MACROD2: variants seen among roughly 807,000 people sequenced by gnomAD.
MACROD2 encodes ADP-ribose glycohydrolase MACROD2.
Under a neutral mutation model 70.4 loss-of-function variants are expected in MACROD2, and 36 were observed. The observed-to-expected ratio is 0.51, with a 90% CI of 0.39 to 0.68. The LOEUF is 0.68. Among genes scored for constraint, MACROD2 ranks in the 30% least tolerant of loss-of-function variants. MACROD2 has a pLI of 0.00. For missense variants in MACROD2, 496 were observed against 538.4 expected (o/e 0.92, Z 0.78); for synonymous variants, 172 against 178.8 (o/e 0.96, Z 0.30).
chr20:14,677,949 C>T (rs2070882352), intron 4 of MACROD2, among the ~76,000 whole-genome samples: 5 of 152,092 alleles, frequency 3.3e-5, no homozygotes, highest in Admixed American at 3.3e-4. Flanking sequence ...CAAAAATTGC[C>T]ATCATGATAT....
At chr20:14,767,329 G>GT (rs1341060112) in intron 5 of MACROD2, among the ~76,000 whole-genome samples, 1 of 151,098 alleles carries the variant, frequency 6.6e-6, no homozygotes, top group Non-Finnish European at 1.5e-5. Flanking sequence ...ATTTTTTTTT[G>GT]TTTTTTGTTT....
chr20:14,363,853 G>C lies in MACROD2; in HGVS notation c.272-129626G>C, dbSNP rs1207129322. Among the ~76,000 whole-genome samples the C allele has an allele frequency of 2.3e-5, 3 of 130,468 alleles. No homozygotes were observed. The Admixed American group carries it at 2.4e-4, about 11-fold the overall frequency. The allele number at this position is 130,468 out of a possible 152,430, so 85.6% of individuals were successfully genotyped here. On this transcript the variant is annotated intron_variant, in intron 3 of 17. Transcript: ENST00000684519. ...AAAAAAAAAAAAAAAAAAAAAATAA[G>C]ATTATAAGATTAGGACCACAAGGTG... is the stretch of plus-strand genomic sequence containing the variant.
At chr20:15,900,211 A>G (rs2065044173) in intron 10 of MACROD2, among the ~76,000 whole-genome samples, 2 of 152,262 alleles carry the variant, frequency 1.3e-5, no homozygotes, top group African/African-American at 4.8e-5. Flanking sequence ...CCATCACTCA[A>G]ATGAGCTTAG....
intron 3 of MACROD2, among the ~76,000 whole-genome samples, chr20:14,417,739 G>C (rs1054719826): frequency 6.6e-6 from 1 of 152,182 alleles, no homozygotes; most frequent in African/African-American, 2.4e-5. Context: ...AAGCTGACCT[G>C]CATTTAAGTT....
At chr20:14,928,314 C>T (rs2074257896) in intron 5 of MACROD2, among the ~76,000 whole-genome samples, 1 of 152,128 alleles carries the variant, frequency 6.6e-6, no homozygotes, top group Non-Finnish European at 1.5e-5. Flanking sequence ...GAGTCATCTA[C>T]CTAGATGTTT....
intron 8 of MACROD2, among the ~76,000 whole-genome samples, chr20:15,856,929 G>C (rs1320726561): frequency 6.6e-6 from 1 of 152,192 alleles, no homozygotes; most frequent in East Asian, 1.9e-4. Flanking sequence ...CGAAAAAGAA[G>C]TAATTGGAAT....
chr20:14,128,419 A>G (rs2054678683), intron 3 of MACROD2: 1 of 153,188 alleles, frequency 6.5e-6, no homozygotes, highest in South Asian at 2.0e-4. Context: ...TAAAAAAATA[A>G]TAACAACAGC....
intron 6 of MACROD2, among the ~76,000 whole-genome samples, chr20:15,234,259 C>T (rs1260364159): frequency 6.7e-6 from 1 of 149,450 alleles, no homozygotes; most frequent in African/African-American, 2.5e-5. Context: ...GTCTCGATCT[C>T]CTGACCTCGT....
chr20:14,374,775 G>C, intron 3 of MACROD2, among the ~76,000 whole-genome samples: 1 of 152,000 alleles, frequency 6.6e-6, no homozygotes, highest in Non-Finnish European at 1.5e-5. Context: ...TTATAAATAG[G>C]TATCCTCACT....
Position 15,407,564 on chromosome 20 carries a change from A to T in MACROD2, c.541-23841A>T, listed in dbSNP as rs144847608. 4.2e-3 allele frequency among the ~76,000 whole-genome samples: 643 copies of T among 152,280 alleles called. 6 individuals are homozygous for T. Among genetic ancestry groups the T allele is most frequent in the African/African-American group, 0.015 (614 of 41,550 alleles). Reference sequence around the variant, plus strand: ...AGTGTTAAGGAGGCTAGAGGTGGGTAGAGAGGCAGCCTAGCACGGTGCTTA... The same window carrying T: ...AGTGTTAAGGAGGCTAGAGGTGGGTTGAGAGGCAGCCTAGCACGGTGCTTA... On this transcript the variant is annotated intron_variant, in intron 6 of 17. Coordinates refer to ENST00000684519, the MANE Select transcript of MACROD2 (RefSeq NM_001351661.2).
chr20:14,625,426 G>A (rs1344320794), intron 4 of MACROD2, among the ~76,000 whole-genome samples: 1 of 152,092 alleles, frequency 6.6e-6, no homozygotes, highest in Non-Finnish European at 1.5e-5. Context: ...GAAGATCTTT[G>A]TAGTATGTAT....
At chr20:14,431,691 A>C (rs766368786) in intron 3 of MACROD2, among the ~76,000 whole-genome samples, 10 of 152,182 alleles carry the variant, frequency 6.6e-5, no homozygotes, top group Non-Finnish European at 1.2e-4. Flanking sequence ...AATAACTATA[A>C]AGTTAGAAAA....
chr20:15,229,168 C>CGT (rs892819602), intron 5 of MACROD2, among the ~76,000 whole-genome samples: 4 of 152,024 alleles, frequency 2.6e-5, no homozygotes, highest in Non-Finnish European at 5.9e-5. Flanking sequence ...TAAAAGTTTA[C>CGT]GTGTGTGTAG....
intron 10 of MACROD2, among the ~76,000 whole-genome samples, chr20:15,930,716 G>A (rs1197134134): frequency 6.6e-6 from 1 of 152,186 alleles, no homozygotes; most frequent in African/African-American, 2.4e-5. Flanking sequence ...ATGCCACTCA[G>A]ATGTCTGTTC....
intron 3 of MACROD2, chr20:14,325,986 G>T (rs1234702769): frequency 1.2e-6 from 2 of 1,613,928 alleles, no homozygotes; most frequent in Non-Finnish European, 1.7e-6. Context: ...TTGTAGGGTT[G>T]TACATTCGAA....
At chr20:15,529,730 G>A (rs1294232996) in intron 8 of MACROD2, among the ~76,000 whole-genome samples, 1 of 152,078 alleles carries the variant, frequency 6.6e-6, no homozygotes, top group Non-Finnish European at 1.5e-5. Flanking sequence ...TGACACAGTA[G>A]AATTAAAACT....
intron 6 of MACROD2, among the ~76,000 whole-genome samples, chr20:15,276,707 C>T (rs1048273326): frequency 6.6e-6 from 1 of 151,848 alleles, no homozygotes; most frequent in Non-Finnish European, 1.5e-5. Context: ...AGAATGAAAG[C>T]ATATATATTT....
chr20:15,318,792 T>G (rs1008620780), intron 6 of MACROD2, among the ~76,000 whole-genome samples: 10 of 152,008 alleles, frequency 6.6e-5, no homozygotes, highest in African/African-American at 2.2e-4. Context: ...ACTCAAAAAC[T>G]AGAAATGGGA....
chr20:14,524,383 T>C (rs1054416877), intron 4 of MACROD2, among the ~76,000 whole-genome samples: 6 of 152,232 alleles, frequency 3.9e-5, no homozygotes, highest in Non-Finnish European at 8.8e-5. Flanking sequence ...TCTTAACCAC[T>C]TTCTCTATCT....
Sources: gnomAD v4.1 joint callset for allele counts (sites outside exome capture counted in the v4.1 genomes callset) on GRCh38, gnomAD v4.1.1 for gene constraint, MANE v1.5 for transcripts, NCBI Gene and HGNC (gene_info 2026-07-23, HGNC 2026-07-21) for gene names.